Variants in SPECC1 observed in about 807,000 individuals in gnomAD.
The protein encoded by SPECC1 is sperm antigen with calponin homology and coiled-coil domains 1.
Under a neutral mutation model 104.1 loss-of-function variants are expected in SPECC1, and 62 were observed. That is an observed-to-expected ratio of 0.60 (90% CI 0.49 to 0.74). The LOEUF (loss-of-function observed/expected upper bound fraction) is 0.74. Among genes scored for constraint, SPECC1 ranks in the 30% least tolerant of loss-of-function variants. SPECC1 has a pLI of 0.00. For synonymous variants in SPECC1, 513 were observed against 501.6 expected, an observed-to-expected ratio of 1.02 and a Z score of -0.30; for missense variants, 1,306 against 1,310.5, an observed-to-expected ratio of 1.00 and a Z score of 0.05.
chr17:20,207,685 C>T (rs928232205), intron 4 of SPECC1, among the ~76,000 whole-genome samples: 1 of 152,168 alleles, frequency 6.6e-6, no homozygotes, highest in Non-Finnish European at 1.5e-5. Flanking sequence ...AATTTCACCA[C>T]TTGGAGAAAA....
intron 3 of SPECC1, among the ~76,000 whole-genome samples, chr17:20,158,963 TG>T (rs2032877232): frequency 6.7e-6 from 1 of 149,376 alleles, no homozygotes; most frequent in African/African-American, 2.4e-5. Flanking sequence ...TTTTTGTTTT[TG>T]TTTTTTTTTT....
rs560976361 is a variant in SPECC1 at position 20,205,714 on chromosome 17, G to A, written c.1665G>A (p.Lys555=). ...TAAAAATGGAGAATGGATCTTTGAA[G>A]TCTCATTTGCAGGGTGAGAAGCAGA... The part of the protein sequence containing the change: ...EGLKMENGSL[K]SHLQGEKQKA... Residue 555 remains lysine (K), a synonymous_variant, in exon 4 of 15, where the codon AAG becomes AAA. Transcript: ENST00000395527. 3.7e-6 allele frequency: 6 copies of A among 1,614,222 alleles called. No homozygotes were observed. The African/African-American group carries it at 4.0e-5, about 11-fold the overall frequency.
chr17:20,147,754 A>G (rs2031603666), intron 3 of SPECC1, among the ~76,000 whole-genome samples: 1 of 152,232 alleles, frequency 6.6e-6, no homozygotes, highest in Non-Finnish European at 1.5e-5. Context: ...AAAATGATAG[A>G]GACAGGGTGC....
intron 7 of SPECC1, chr17:20,236,721 A>G: frequency 1.0e-6 from 1 of 990,648 alleles, no homozygotes; most frequent in East Asian, 3.0e-5. Flanking sequence ...AGTAGGACTT[A>G]AAATCTGTTG....
intron 12 of SPECC1, among the ~76,000 whole-genome samples, chr17:20,263,646 T>C (rs2040112153): frequency 6.6e-6 from 1 of 152,030 alleles, no homozygotes; most frequent in Non-Finnish European, 1.5e-5. Context: ...TGATGGGAAA[T>C]TGAAGAAAAC....
intron 12 of SPECC1, among the ~76,000 whole-genome samples, chr17:20,262,556 A>G (rs993473433): frequency 1.3e-5 from 2 of 152,130 alleles, no homozygotes; most frequent in Non-Finnish European, 2.9e-5. Flanking sequence ...GGGGAGGCTG[A>G]ACACCTTTTC....
intron 3 of SPECC1, among the ~76,000 whole-genome samples, chr17:20,171,437 T>G (rs954770088): frequency 1.3e-5 from 2 of 152,260 alleles, no homozygotes; most frequent in African/African-American, 4.8e-5. Context: ...AAATGACTTC[T>G]TCTGTAAATT....
intron 12 of SPECC1, among the ~76,000 whole-genome samples, chr17:20,270,655 T>TCAC (rs2040379193): frequency 6.6e-6 from 1 of 151,608 alleles, no homozygotes; most frequent in South Asian, 2.1e-4. Flanking sequence ...TGATGATGAA[T>TCAC]ATCACTTACC....
intron 1 of SPECC1, among the ~76,000 whole-genome samples, chr17:20,021,697 TATA>T (rs1181459066): frequency 2.7e-4 from 30 of 112,972 alleles, no homozygotes; most frequent in Admixed American, 5.3e-4. Flanking sequence ...TATATATATA[TATA>T]TATTTTTTTG....
At chr17:20,279,839 G>A (rs1408583930) in intron 12 of SPECC1, among the ~76,000 whole-genome samples, 1 of 152,186 alleles carries the variant, frequency 6.6e-6, no homozygotes, top group Non-Finnish European at 1.5e-5. Flanking sequence ...AACTAGGATG[G>A]GGGTTGGGAT....
intron 3 of SPECC1, among the ~76,000 whole-genome samples, chr17:20,154,315 G>A (rs2032268653): frequency 6.6e-6 from 1 of 152,164 alleles, no homozygotes; most frequent in Non-Finnish European, 1.5e-5. Flanking sequence ...TATTTAATGT[G>A]GTGCGATGAG....
intron 9 of SPECC1, among the ~76,000 whole-genome samples, chr17:20,251,953 T>C (rs1336699427): frequency 1.3e-5 from 2 of 152,192 alleles, no homozygotes; most frequent in Non-Finnish European, 2.9e-5. Flanking sequence ...TGGCCTCTTG[T>C]GGCACTTCTC....
At chr17:20,270,458 A>C (rs971508519) in intron 12 of SPECC1, among the ~76,000 whole-genome samples, 5 of 148,098 alleles carry the variant, frequency 3.4e-5, no homozygotes, top group Admixed American at 1.4e-4. Flanking sequence ...AAAAAAAAAA[A>C]AAAAAAAAAC....
intron 12 of SPECC1, among the ~76,000 whole-genome samples, chr17:20,261,668 C>A (rs1420245207): frequency 6.6e-6 from 1 of 152,138 alleles, no homozygotes; most frequent in Non-Finnish European, 1.5e-5. Context: ...CATTTTGTTT[C>A]TATTGTTTTG....
intron 1 of SPECC1, among the ~76,000 whole-genome samples, chr17:20,039,154 G>A (rs981249458): frequency 3.3e-5 from 5 of 152,190 alleles, no homozygotes; most frequent in African/African-American, 1.2e-4. Flanking sequence ...AATCACTAGT[G>A]AGCTTTGTTT....
rs761242965 is a variant in SPECC1 at position 20,231,765 on chromosome 17, G to A, written c.2079G>A (p.Val693=). The A allele has an allele frequency of 1.1e-5, 18 of 1,613,906 alleles. No individual in the cohort carries two copies. The South Asian group carries it at 1.9e-4, about 17-fold the overall frequency. ...TGAATTATTTATTTCTAGGTAGTGT[G>A]ATCAAGCTGGAGGAACAGAAGTCAG... The part of the protein sequence containing the change: ...NQLISELESS[V]IKLEEQKSDL... The change falls in exon 6 of 15, where the codon GTG becomes GTA. Residue 693 remains valine, a synonymous_variant. Transcript: ENST00000395527.
rs1490685331 is a variant in SPECC1 at position 20,317,280 on chromosome 17, TGAGA to T, written c.*3219_*3222del. On this transcript the variant is annotated 3_prime_UTR_variant, in exon 15 of 15. Coordinates refer to ENST00000395527, the MANE Select transcript of SPECC1 (RefSeq NM_001243439.2). ...AAAAATTTTTTTTTTTTTTTTTTTTTGAGAGAGCGTCTCACTTCTCTGTCACCCA... is the reference window on the plus strand; with the variant it reads ...AAAAATTTTTTTTTTTTTTTTTTTTTGAGCGTCTCACTTCTCTGTCACCCA... The T allele has an allele frequency of 6.1e-6, 1 of 163,476 alleles. No homozygotes were observed. Among genetic ancestry groups the T allele is most frequent in the African/African-American group, 2.5e-5 (1 of 39,728 alleles). 10.1% of individuals were successfully genotyped at this position (163,476 alleles called of 1,614,324 possible).
chr17:20,237,301 TG>T lies in SPECC1; in HGVS notation c.2351+4897del, dbSNP rs200924467. On this transcript the variant is annotated intron_variant, in intron 7 of 14. Transcript: ENST00000395527. ...TTTTGTTTTTTGTTGTTGTTGTTGTTGTTGTTTTGTTTTGTTTTTTTTTTTT... is the reference window on the plus strand; with the variant it reads ...TTTTGTTTTTTGTTGTTGTTGTTGTTTTGTTTTGTTTTGTTTTTTTTTTTT... The T allele has an allele frequency of 1.7e-3, 1,881 of 1,084,110 alleles. 29 individuals are homozygous for T. In the African/African-American group the frequency reaches 0.029, roughly 17 times the overall value. 67.2% of individuals were successfully genotyped at this position (1,084,110 alleles called of 1,614,324 possible). A position where few individuals can be genotyped will look rare whatever the true frequency, so the allele number is the denominator to read the frequency against.
At chr17:20,263,640 G>GGGAAA (rs2040111978) in intron 12 of SPECC1, among the ~76,000 whole-genome samples, 1 of 152,126 alleles carries the variant, frequency 6.6e-6, no homozygotes. Flanking sequence ...GAATGGTGAT[G>GGGAAA]GGAAATTGAA....
Sources: allele counts gnomAD v4.1 joint callset (sites outside exome capture counted in the v4.1 genomes callset), GRCh38; gene constraint gnomAD v4.1.1; transcripts MANE v1.5; gene names NCBI Gene and HGNC (gene_info 2026-07-23, HGNC 2026-07-21).